The following NKAIN3 variants were observed in gnomAD, a reference collection of about 807,000 sequenced individuals.
NKAIN3 encodes the protein sodium/potassium-transporting ATPase subunit beta-1-interacting protein 3.
Under a neutral mutation model 30.2 loss-of-function variants are expected in NKAIN3, and 25 were observed. The ratio of observed to expected loss-of-function variants is 0.83; its 90% CI spans 0.60 to 1.16. The LOEUF (loss-of-function observed/expected upper bound fraction) is 1.16, where lower values mean the gene tolerates loss of function less well. NKAIN3 is among the 50% of genes most tolerant of loss of function. The pLI is 0.00. For synonymous variants in NKAIN3, 91 were observed against 89.6 expected (o/e 1.02, Z -0.09); for missense variants, 225 against 254.1 (o/e 0.89, Z 0.78).
chr8:62,773,263 T>G (rs1817081803), intron 4 of NKAIN3, among the ~76,000 whole-genome samples: 1 of 152,144 alleles, frequency 6.6e-6, no homozygotes, highest in Non-Finnish European at 1.5e-5. Context: ...ATGGTTTCAT[T>G]TATCTGTGTA....
rs189964489 is a variant in NKAIN3 at position 62,320,088 on chromosome 8, G to T, written c.54+70961G>T. ...ATTGATCCCTTTACCATTATGTAAT[G>T]GCCTTCTTTGTCTCTTTTGATCTTT... On this transcript the variant is annotated intron_variant, in intron 1 of 6. Transcript: ENST00000623646. Among the ~76,000 whole-genome samples the T allele has an allele frequency of 1.7e-3, 263 of 152,192 alleles. 1 individual carries two copies. The highest frequency in any genetic ancestry group is 5.9e-3 in the African/African-American group (246 of 41,522).
chr8:62,571,622 G>A (rs2130022369), intron 1 of NKAIN3, among the ~76,000 whole-genome samples: 1 of 152,198 alleles, frequency 6.6e-6, no homozygotes, highest in East Asian at 1.9e-4. Flanking sequence ...TCTCCATGAG[G>A]GCCCCGCCAC....
chr8:62,446,031 G>GC (rs974460823), intron 1 of NKAIN3, among the ~76,000 whole-genome samples: 25 of 152,150 alleles, frequency 1.6e-4, no homozygotes, highest in African/African-American at 6.0e-4. Flanking sequence ...CATAGCAATT[G>GC]TAACTTGTTA....
chr8:62,790,747 A>T (rs116042071), intron 4 of NKAIN3, among the ~76,000 whole-genome samples: 1,555 of 152,206 alleles, frequency 0.01, 25 homozygotes, highest in African/African-American at 0.034. Context: ...CTTAAAAGCT[A>T]TTGAGAAAGA....
chr8:62,411,869 AAGG>A (rs1804248992), intron 1 of NKAIN3, among the ~76,000 whole-genome samples: 1 of 152,204 alleles, frequency 6.6e-6, no homozygotes, highest in African/African-American at 2.4e-5. Context: ...GTATTTCTAC[AAGG>A]AGAAGTACAA....
At chr8:62,602,246 T>C (rs1195829349) in intron 3 of NKAIN3, among the ~76,000 whole-genome samples, 1 of 152,084 alleles carries the variant, frequency 6.6e-6, no homozygotes. Context: ...CTATCAACAG[T>C]AGCTGTATTT....
intron 1 of NKAIN3, among the ~76,000 whole-genome samples, chr8:62,265,411 G>A (rs1812572819): frequency 1.3e-5 from 2 of 152,130 alleles, no homozygotes; most frequent in African/African-American, 4.8e-5. Flanking sequence ...GTAGATTGGG[G>A]AAACTTTTGT....
chr8:62,532,557 A>G (rs1189494588), intron 1 of NKAIN3, among the ~76,000 whole-genome samples: 1 of 152,174 alleles, frequency 6.6e-6, no homozygotes, highest in African/African-American at 2.4e-5. Flanking sequence ...GCATTTTGCA[A>G]TTGTTTTGTG....
At chr8:62,856,735 C>A in intron 4 of NKAIN3, 1 of 694,016 alleles carries the variant, frequency 1.4e-6, no homozygotes, top group South Asian at 1.6e-5. Context: ...TTAAACTGGT[C>A]AAGCTCTAGA....
chr8:62,618,863 G>T (rs185873930), intron 3 of NKAIN3, among the ~76,000 whole-genome samples: 2 of 151,936 alleles, frequency 1.3e-5, no homozygotes, highest in African/African-American at 2.4e-5. Context: ...CTGAGATCGC[G>T]CCACGGCACC....
intron 1 of NKAIN3, among the ~76,000 whole-genome samples, chr8:62,557,739 C>CT (rs1469319757): frequency 6.6e-6 from 1 of 151,940 alleles, no homozygotes; most frequent in Non-Finnish European, 1.5e-5. Flanking sequence ...TCTTAGCCTG[C>CT]TTTTTGATGG....
intron 5 of NKAIN3, among the ~76,000 whole-genome samples, chr8:62,948,422 T>A (rs188439692): frequency 5.3e-5 from 8 of 152,184 alleles, no homozygotes; most frequent in Non-Finnish European, 1.0e-4. Flanking sequence ...ATGGTCTCCA[T>A]CTCTTGACAT....
intron 1 of NKAIN3, among the ~76,000 whole-genome samples, chr8:62,349,251 G>C (rs1816105881): frequency 6.6e-6 from 1 of 152,122 alleles, no homozygotes; most frequent in South Asian, 2.1e-4. Context: ...AGTGCAGCAA[G>C]GGGATTCTTT....
intron 3 of NKAIN3, among the ~76,000 whole-genome samples, chr8:62,626,566 T>G (rs193089637): frequency 7.2e-5 from 11 of 152,208 alleles, no homozygotes; most frequent in Admixed American, 7.2e-4. Context: ...ATGACACATG[T>G]CTAAAGGCGG....
At chr8:62,375,671 G>A (rs10957220) in intron 1 of NKAIN3, among the ~76,000 whole-genome samples, 63,785 of 151,998 alleles carry the variant, frequency 0.42, 15,647 homozygotes, top group Non-Finnish European at 0.54. Context: ...ATATTCATAT[G>A]CTCAGAACAC....
intron 5 of NKAIN3, among the ~76,000 whole-genome samples, chr8:62,935,726 G>A (rs1288450460): frequency 6.6e-6 from 1 of 152,038 alleles, no homozygotes; most frequent in African/African-American, 2.4e-5. Flanking sequence ...ATAATACAAA[G>A]TACTGGCACA....
At chr8:62,719,265 G>A (rs1247016056) in intron 3 of NKAIN3, among the ~76,000 whole-genome samples, 3 of 152,144 alleles carry the variant, frequency 2.0e-5, no homozygotes, top group Admixed American at 6.5e-5. Flanking sequence ...AATGTCACTG[G>A]GGAAGCACTG....
chr8:62,495,855 T>A (rs2129647345), intron 1 of NKAIN3, among the ~76,000 whole-genome samples: 1 of 152,216 alleles, frequency 6.6e-6, no homozygotes, highest in East Asian at 1.9e-4. Context: ...ACAAGTTAAT[T>A]CATGAGTTGA....
chr8:62,500,424 G>GGAAAGAAAGAAA (rs372867878), intron 1 of NKAIN3, among the ~76,000 whole-genome samples: 160 of 103,742 alleles, frequency 1.5e-3, no homozygotes, highest in Middle Eastern at 4.6e-3. Flanking sequence ...AAGGAAGAAA[G>GGAAAGAAAGAAA]GAAAGAAAGA....
Sources: allele counts gnomAD v4.1 joint callset (sites outside exome capture counted in the v4.1 genomes callset), GRCh38; gene constraint gnomAD v4.1.1; transcripts MANE v1.5; gene names NCBI Gene and HGNC (gene_info 2026-07-23, HGNC 2026-07-21).